The following CWC27 variants were observed in gnomAD, a reference collection of about 807,000 sequenced individuals.
CWC27 encodes the protein CWC27 spliceosome associated cyclophilin.
A neutral mutation model predicts 63.6 loss-of-function variants in CWC27; 47 were observed. That is an observed-to-expected ratio of 0.74 (90% CI 0.58 to 0.94). CWC27 has a LOEUF of 0.94. Ranked by LOEUF, CWC27 falls within the 40% of genes least tolerant of loss-of-function variation. The pLI is 0.00. For synonymous variants in CWC27, 175 were observed against 179.8 expected (o/e 0.97, Z 0.22); for missense variants, 495 against 554.3 (o/e 0.89, Z 1.07).
At chr5:64,912,058 A>G (rs1482935337) in intron 11 of CWC27, among the ~76,000 whole-genome samples, 1 of 147,076 alleles carries the variant, frequency 6.8e-6, no homozygotes, top group Non-Finnish European at 1.5e-5. Context: ...TAGGCAACAG[A>G]GCGAGACTCT....
chr5:64,793,474 G>A (rs967213677), intron 7 of CWC27, among the ~76,000 whole-genome samples: 5 of 152,070 alleles, frequency 3.3e-5, no homozygotes, highest in Admixed American at 2.6e-4. Context: ...AAGTAGAAGT[G>A]TATTTTTGTT....
intron 12 of CWC27, among the ~76,000 whole-genome samples, chr5:64,975,941 G>C (rs1201760511): frequency 1.3e-5 from 2 of 152,040 alleles, no homozygotes; most frequent in Non-Finnish European, 2.9e-5. Flanking sequence ...GGTGGCACGT[G>C]CCTGTGGTCC....
At chr5:64,999,303 T>C (rs561612406) in intron 13 of CWC27, among the ~76,000 whole-genome samples, 1 of 152,266 alleles carries the variant, frequency 6.6e-6, no homozygotes, top group African/African-American at 2.4e-5. Context: ...GATAGGTGGA[T>C]ACAATGTGTA....
chr5:64,935,180 T>C (rs1379220717), intron 11 of CWC27, among the ~76,000 whole-genome samples: 1 of 152,238 alleles, frequency 6.6e-6, no homozygotes, highest in Admixed American at 6.5e-5. Flanking sequence ...TCTTTGCCCA[T>C]GCCTATGTCC....
At chr5:64,958,327 A>T (rs1459659184) in intron 11 of CWC27, among the ~76,000 whole-genome samples, 1 of 152,168 alleles carries the variant, frequency 6.6e-6, no homozygotes, top group Non-Finnish European at 1.5e-5. Context: ...GAAACGAGAC[A>T]CTGGCTTCTC....
chr5:64,944,511 T>C (rs928713265), intron 11 of CWC27, among the ~76,000 whole-genome samples: 5 of 152,230 alleles, frequency 3.3e-5, no homozygotes, highest in Middle Eastern at 3.2e-3. Flanking sequence ...TATCATCTAT[T>C]GCTAATAATT....
chr5:64,954,439 C>T lies in CWC27; in HGVS notation c.1043-17264C>T, dbSNP rs148958434. Among the ~76,000 whole-genome samples, 3 of 152,080 alleles carry T rather than the reference C, an allele frequency of 2.0e-5. No homozygotes were observed. In the East Asian group the frequency reaches 5.8e-4, roughly 29 times the overall value. On this transcript the variant is annotated intron_variant, in intron 11 of 13. Transcript: ENST00000381070. ...AAGTAGCTAGGACTACAGGTATATG[C>T]CACTATGCCAGGCTAAAATTTTTTT... is the stretch of plus-strand genomic sequence containing the variant.
intron 10 of CWC27, among the ~76,000 whole-genome samples, chr5:64,827,449 T>C (rs1009894703): frequency 1.3e-5 from 2 of 152,210 alleles, no homozygotes; most frequent in Non-Finnish European, 2.9e-5. Context: ...AAGGACTTGT[T>C]TGTAGGAATC....
chr5:64,821,812 A>G (rs1404910159), intron 10 of CWC27, among the ~76,000 whole-genome samples: 3 of 152,218 alleles, frequency 2.0e-5, no homozygotes, highest in Non-Finnish European at 4.4e-5. Flanking sequence ...AAACACAGAT[A>G]TCCTTGACTT....
chr5:64,783,940 A>G lies in CWC27; in HGVS notation c.357A>G (p.Arg119=). The G allele has an allele frequency of 6.2e-7, 1 of 1,600,798 alleles. No homozygotes were observed. The highest frequency in any genetic ancestry group is 8.5e-7 in the Non-Finnish European group (1 of 1,174,194). Residue 119 remains arginine, a synonymous_variant, in exon 4 of 14, where the codon CGA becomes CGG. Coordinates refer to ENST00000381070, the MANE Select transcript of CWC27 (RefSeq NM_005869.4). ...NGSQFFFTLG[R]ADELNNKHTI... ...GCCAGTTTTTCTTCACACTGGGTCGAGCAGATGAACTTAACAATAAGCATA... is the reference window on the plus strand; with the variant it reads ...GCCAGTTTTTCTTCACACTGGGTCGGGCAGATGAACTTAACAATAAGCATA...
chr5:64,785,390 T>A (rs1580593798), intron 4 of CWC27, 91 bp from the exon 5 acceptor site: 1 of 587,552 alleles, frequency 1.7e-6, no homozygotes, highest in East Asian at 3.2e-5. Flanking sequence ...AATTTTCTTT[T>A]AATTATTTGA....
At position 64,772,834 on chromosome 5, in the gene CWC27, G is replaced by A. The variant is rs1184743670; in HGVS notation, c.43-1857G>A. On this transcript the variant is annotated intron_variant, in intron 1 of 13. Transcript: ENST00000381070. The stretch of plus-strand genomic sequence containing the variant: ...TGCCTGTAGTCCCAGCTACTCGGGA[G>A]GCTGAGGCAGGAGAATTGCTTGAAC... 4.0e-5 allele frequency among the ~76,000 whole-genome samples: 6 copies of A among 151,658 alleles called. No homozygotes were observed. In the East Asian group the frequency reaches 9.7e-4, roughly 25 times the overall value.
At chr5:64,847,219 A>C (rs62369326) in intron 10 of CWC27, among the ~76,000 whole-genome samples, 53,477 of 151,846 alleles carry the variant, frequency 0.35, 9,856 homozygotes, top group East Asian at 0.51. Context: ...AATTCAAACC[A>C]AAAGAGAGTA....
At chr5:64,908,980 G>A (rs1437510966) in intron 11 of CWC27, among the ~76,000 whole-genome samples, 7 of 152,072 alleles carry the variant, frequency 4.6e-5, no homozygotes, top group Admixed American at 6.5e-5. Context: ...TTCTAGCATC[G>A]ATGGTCTTTA....
At chr5:64,984,849 C>G (rs1490197605) in intron 13 of CWC27, among the ~76,000 whole-genome samples, 1 of 152,120 alleles carries the variant, frequency 6.6e-6, no homozygotes, top group African/African-American at 2.4e-5. Flanking sequence ...AGTGTTATGT[C>G]TAAGAATTCT....
chr5:64,831,153 A>C (rs1382587958), intron 10 of CWC27, among the ~76,000 whole-genome samples: 1 of 152,048 alleles, frequency 6.6e-6, no homozygotes, highest in Non-Finnish European at 1.5e-5. Context: ...CAAACCTGTG[A>C]TAGTTTTCTA....
intron 10 of CWC27, among the ~76,000 whole-genome samples, chr5:64,853,628 C>T (rs186371694): frequency 3.8e-4 from 58 of 152,170 alleles, no homozygotes; most frequent in African/African-American, 2.9e-4. Context: ...TGCTTGGCTT[C>T]GGGTGAAGTC....
At position 64,909,209 on chromosome 5, in the gene CWC27, G is replaced by A. The variant is rs191641694; in HGVS notation, c.1042+23663G>A. 4.2e-3 allele frequency among the ~76,000 whole-genome samples: 638 copies of A among 152,148 alleles called. 4 individuals carry two copies. Among genetic ancestry groups the A allele is most frequent in the Middle Eastern group, 0.031 (9 of 294 alleles). On this transcript the variant is annotated intron_variant, in intron 11 of 13. Transcript: ENST00000381070. ...TTTTCTTTAAGAATATTGAATATTG[G>A]CCCCCACTCTTCTGGCTTGTAGCGT...
intron 13 of CWC27, among the ~76,000 whole-genome samples, chr5:65,012,335 GATA>G (rs1047070650): frequency 1.3e-5 from 2 of 152,176 alleles, no homozygotes; most frequent in African/African-American, 4.8e-5. Context: ...AAACAGGGGT[GATA>G]ATAATATTTT....
Sources: allele counts gnomAD v4.1 joint callset (sites outside exome capture counted in the v4.1 genomes callset), GRCh38; gene constraint gnomAD v4.1.1; transcripts MANE v1.5; gene names NCBI Gene and HGNC (gene_info 2026-07-23, HGNC 2026-07-21).